SUMF1: variants seen among roughly 807,000 people sequenced by gnomAD.
SUMF1 encodes the protein sulfatase modifying factor 1.
SUMF1 carries 48 observed loss-of-function variants against 47.6 expected under a neutral mutation model. The ratio of observed to expected loss-of-function variants is 1.01; its 90% CI spans 0.80 to 1.28. The LOEUF (loss-of-function observed/expected upper bound fraction) is 1.28, where lower values mean the gene tolerates loss of function less well. Ranked by LOEUF, SUMF1 falls within the 50% of genes most tolerant of loss-of-function variation. The pLI is 0.00. For missense variants in SUMF1, 571 were observed against 485.4 expected (o/e 1.18, Z -1.66); for synonymous variants, 230 against 192.1 (o/e 1.20, Z -1.63).
intron 8 of SUMF1, among the ~76,000 whole-genome samples, chr3:4,351,693 G>A (rs1687860): frequency 0.26 from 40,052 of 152,054 alleles, 5,897 homozygotes; most frequent in South Asian, 0.45. Context: ...TGACACATGG[G>A]TGGGGAGGGA....
intron 8 of SUMF1, among the ~76,000 whole-genome samples, chr3:4,141,549 G>C (rs767058576): frequency 2.0e-5 from 3 of 152,072 alleles, no homozygotes; most frequent in Non-Finnish European, 4.4e-5. Flanking sequence ...TTTAATTCCA[G>C]CTTCTCAGGA....
intron 1 of SUMF1, among the ~76,000 whole-genome samples, chr3:4,453,297 A>C (rs1447286788): frequency 6.6e-6 from 1 of 152,204 alleles, no homozygotes; most frequent in African/African-American, 2.4e-5. Flanking sequence ...CTGTACCTGC[A>C]CTGGAAACAG....
intron 8 of SUMF1, among the ~76,000 whole-genome samples, chr3:4,293,683 G>A (rs906276298): frequency 6.6e-6 from 1 of 152,170 alleles, no homozygotes; most frequent in Non-Finnish European, 1.5e-5. Context: ...TAAGTAGTCA[G>A]GCTGTAAGAC....
intron 8 of SUMF1, among the ~76,000 whole-genome samples, chr3:4,070,920 C>T (rs561040186): frequency 9.9e-5 from 15 of 152,198 alleles, no homozygotes; most frequent in Non-Finnish European, 1.5e-4. Context: ...AGTGACCCAC[C>T]GTGCCTGGCC....
chr3:4,079,353 A>G (rs1304842377), intron 8 of SUMF1, among the ~76,000 whole-genome samples: 1 of 152,036 alleles, frequency 6.6e-6, no homozygotes, highest in East Asian at 1.9e-4. Flanking sequence ...TTTTGATCTG[A>G]TCGATTGGTA....
chr3:4,139,802 T>G (rs983344479), intron 8 of SUMF1, among the ~76,000 whole-genome samples: 1 of 151,832 alleles, frequency 6.6e-6, no homozygotes, highest in Non-Finnish European at 1.5e-5. Flanking sequence ...ACTTCCAGGA[T>G]CTCCATCTTT....
intron 8 of SUMF1, among the ~76,000 whole-genome samples, chr3:4,234,513 A>T (rs919700446): frequency 1.3e-5 from 2 of 152,150 alleles, no homozygotes; most frequent in African/African-American, 4.8e-5. Flanking sequence ...GTATCCATTC[A>T]ACTAACATGT....
intron 8 of SUMF1, among the ~76,000 whole-genome samples, chr3:4,326,094 T>C (rs977006232): frequency 1.3e-5 from 2 of 152,190 alleles, no homozygotes; most frequent in African/African-American, 4.8e-5. Flanking sequence ...AGTGCTGGGA[T>C]TACAGGCGTG....
chr3:4,333,497 T>C (rs1279280297), intron 8 of SUMF1, among the ~76,000 whole-genome samples: 4 of 152,134 alleles, frequency 2.6e-5, no homozygotes, highest in Non-Finnish European at 5.9e-5. Flanking sequence ...GAGAAGCAGG[T>C]ATAGCTGGAA....
rs371419205 is a variant in SUMF1 at position 4,128,007 on chromosome 3, C to A, written c.1015-59262G>T. Among the ~76,000 whole-genome samples, 16 of 152,086 alleles carry A rather than the reference C, an allele frequency of 1.1e-4. No individual in the cohort carries two copies. In the South Asian group the frequency reaches 3.1e-3, roughly 30 times the overall value. On this transcript the variant is annotated intron_variant and NMD_transcript_variant, in intron 8 of 12. Transcript: ENST00000448413. ...TCTATACATAATACCTTTGACCATA[C>A]GTGGAGAACCGAGGAACATAATGAA...
At chr3:4,146,040 T>C (rs926343525) in intron 8 of SUMF1, among the ~76,000 whole-genome samples, 2 of 152,158 alleles carry the variant, frequency 1.3e-5, no homozygotes, top group African/African-American at 4.8e-5. Context: ...AAGCCCCATT[T>C]ATTCCAGCAG....
In SUMF1 at chr3:4,113,715, A is replaced by G. The variant is rs371025819; in HGVS notation, c.1015-44970T>C. Among the ~76,000 whole-genome samples, 118 of 152,172 alleles carry G rather than the reference A, an allele frequency of 7.8e-4. 4 individuals are homozygous for G. The highest frequency in any genetic ancestry group is 2.6e-3 in the African/African-American group (109 of 41,494). On this transcript the variant is annotated intron_variant and NMD_transcript_variant, in intron 8 of 12. Coordinates refer to the SUMF1 transcript ENST00000448413. ...GATATGCCACTCTTAACAACAGGAA[A>G]AAACTCAGTCTCTCTTCATGTGGCA...
intron 8 of SUMF1, among the ~76,000 whole-genome samples, chr3:4,346,923 G>A (rs1699385747): frequency 6.6e-6 from 1 of 152,108 alleles, no homozygotes; most frequent in Admixed American, 6.6e-5. Context: ...AAATAAACTA[G>A]AAAATCTAGA....
intron 3 of SUMF1, among the ~76,000 whole-genome samples, chr3:4,445,289 A>G (rs1425215247): frequency 6.6e-6 from 1 of 152,178 alleles, no homozygotes; most frequent in African/African-American, 2.4e-5. Context: ...CAAACCTTCA[A>G]AAGGGATCAT....
chr3:4,161,921 G>T (rs1218626739), intron 8 of SUMF1, among the ~76,000 whole-genome samples: 1 of 151,984 alleles, frequency 6.6e-6, no homozygotes, highest in African/African-American at 2.4e-5. Context: ...GGTCACACTG[G>T]AAGCCAGCAC....
intron 9 of SUMF1, among the ~76,000 whole-genome samples, chr3:4,062,531 A>G (rs770582272): frequency 6.6e-6 from 1 of 152,150 alleles, no homozygotes; most frequent in Non-Finnish European, 1.5e-5. Context: ...TTTACCAACA[A>G]TCGTATAGGT....
downstream of SUMF1, among the ~76,000 whole-genome samples, chr3:4,356,270 A>G (rs1228617171): frequency 6.6e-6 from 1 of 152,252 alleles, no homozygotes; most frequent in East Asian, 1.9e-4. Context: ...TTTAACAAAT[A>G]AAATTAAATC....
rs147909873 is a variant in SUMF1 at position 4,036,221 on chromosome 3, G to C, written c.1191+32348C>G. 4.4e-3 allele frequency among the ~76,000 whole-genome samples: 672 copies of C among 152,282 alleles called. 6 individuals carry two copies. The highest frequency in any genetic ancestry group is 0.015 in the African/African-American group (615 of 41,550). Reference sequence around the variant, plus strand: ...TCAGTGATTATGAGGATGAGACAAAGGATCATGTGTATGAGAAAGTAGTCA... The same window carrying C: ...TCAGTGATTATGAGGATGAGACAAACGATCATGTGTATGAGAAAGTAGTCA... On this transcript the variant is annotated intron_variant and NMD_transcript_variant, in intron 9 of 12. Coordinates refer to the SUMF1 transcript ENST00000448413.
chr3:4,181,196 A>T (rs956743736), intron 8 of SUMF1, among the ~76,000 whole-genome samples: 1 of 152,044 alleles, frequency 6.6e-6, no homozygotes, highest in African/African-American at 2.4e-5. Flanking sequence ...TAAAGGGAAC[A>T]TTTTTTAATT....
Sources: allele counts gnomAD v4.1 joint callset (sites outside exome capture counted in the v4.1 genomes callset), GRCh38; gene constraint gnomAD v4.1.1; transcripts MANE v1.5; gene names NCBI Gene and HGNC (gene_info 2026-07-23, HGNC 2026-07-21).